Variants in SHPRH observed in about 807,000 individuals in gnomAD.
SHPRH encodes E3 ubiquitin-protein ligase SHPRH.
A neutral mutation model predicts 202.5 loss-of-function variants in SHPRH; 106 were observed. The ratio of observed to expected loss-of-function variants is 0.52; its 90% confidence interval spans 0.45 to 0.62. The LOEUF is 0.62. Ranked by LOEUF, SHPRH falls within the 20% of genes least tolerant of loss-of-function variation. The probability of loss-of-function intolerance (pLI) is 0.00; values close to 1 mark genes in which losing one functional copy is unlikely to be tolerated. For synonymous variants in SHPRH, 729 were observed against 686.0 expected (o/e 1.06, Z -0.98); for missense variants, 1,710 against 2,020.0 (o/e 0.85, Z 2.94).
chr6:145,872,260 C>A (rs1780089564), intron 2 of SHPRH, among the ~76,000 whole-genome samples: 1 of 152,080 alleles, frequency 6.6e-6, no homozygotes, highest in African/African-American at 2.4e-5. Flanking sequence ...AAACAGACAA[C>A]CTACAGAACG....
intron 25 of SHPRH, chr6:145,903,170 A>G (rs1782649296): frequency 6.6e-6 from 1 of 151,832 alleles, no homozygotes; most frequent in Admixed American, 6.6e-5. Context: ...TTAGATAAAT[A>G]TATTTAAATA....
At chr6:145,954,347 T>A (rs1204364377) in intron 2 of SHPRH, among the ~76,000 whole-genome samples, 1 of 152,062 alleles carries the variant, frequency 6.6e-6, no homozygotes, top group Non-Finnish European at 1.5e-5. Context: ...TGGGTAGAAT[T>A]TCATTTGCAT....
intron 8 of SHPRH, 125 bp downstream of exon 8, chr6:145,945,256 G>A (rs1787242528): frequency 1.7e-6 from 2 of 1,142,920 alleles, no homozygotes; most frequent in East Asian, 5.0e-5. Flanking sequence ...ACAGATATAA[G>A]TACTTTTCCT....
chr6:145,941,960 CCTCT>C (rs1786828825), intron 9 of SHPRH, 86 bp from the exon 10 acceptor site: 2 of 1,492,774 alleles, frequency 1.3e-6, no homozygotes. Flanking sequence ...CTTACTAAGT[CCTCT>C]CTATTTTCTT....
At chr6:145,940,136 G>A (rs1450791207) in intron 11 of SHPRH, among the ~76,000 whole-genome samples, 1 of 152,090 alleles carries the variant, frequency 6.6e-6, no homozygotes, top group African/African-American at 2.4e-5. Context: ...TTCAATGCAC[G>A]TGTGGAGAGG....
rs371061931 is a variant in SHPRH, at chr6:145,922,310, T to C, written c.3758A>G (p.Tyr1253Cys). 1.3e-6 allele frequency: 2 copies of C among 1,569,446 alleles called. No homozygotes were observed. The highest frequency in any genetic ancestry group is 1.4e-5 in the African/African-American group (1 of 70,866). The change falls in exon 20 of 30, where the codon TAT becomes TGT. Residue 1253 changes from tyrosine (Y) to cysteine (C), a missense_variant. Around this residue, in one of 8 missense-constraint regions of SHPRH, gnomAD observed 288 missense variants for 317.8 expected, o/e 0.91. Coordinates refer to ENST00000275233, the MANE Select transcript of SHPRH (RefSeq NM_001042683.3). ...CGTGTTGGAAAATAGCTTTGATTCA[T>C]ACTCTGTGAACAATTCATCAGCTTT... ...FCKADELFTE[Y>C]ESKLFSNTVK...
At chr6:145,955,384 T>C in intron 1 of SHPRH, 30 bp from the exon 2 acceptor site, 1 of 1,518,364 alleles carries the variant, frequency 6.6e-7, no homozygotes, top group Non-Finnish European at 8.8e-7. Flanking sequence ...ACAGGAGGTA[T>C]AACAAGAGAT....
intron 2 of SHPRH, among the ~76,000 whole-genome samples, chr6:145,875,399 G>A (rs543369158): frequency 6.6e-6 from 1 of 152,332 alleles, no homozygotes; most frequent in East Asian, 1.9e-4. Flanking sequence ...CTGAGGTTGA[G>A]AATTCTTGAC....
intron 15 of SHPRH, among the ~76,000 whole-genome samples, 193 bp from the exon 16 acceptor site, chr6:145,926,489 T>C (rs140140682): frequency 6.6e-6 from 1 of 152,118 alleles, no homozygotes; most frequent in African/African-American, 2.4e-5. Flanking sequence ...GTCTAGGACC[T>C]GCCTTTTGTA....
chr6:145,951,482 A>T (rs958375567), intron 3 of SHPRH, among the ~76,000 whole-genome samples: 10 of 152,076 alleles, frequency 6.6e-5, no homozygotes, highest in Non-Finnish European at 1.2e-4. Context: ...ATAATTATAT[A>T]ATCTAAGATT....
At chr6:145,912,417 A>G (rs1403160686) in intron 24 of SHPRH, among the ~76,000 whole-genome samples, 3 of 152,156 alleles carry the variant, frequency 2.0e-5, no homozygotes, top group Admixed American at 2.0e-4. Context: ...AAAGAACTTT[A>G]AAAACTGAAA....
rs201674374 is a variant in SHPRH at position 145,894,778 on chromosome 6, G to GA, written c.4608+106dup. 1,026 of 920,292 alleles carry GA rather than the reference G, an allele frequency of 1.1e-3. 3 individuals are homozygous for GA. In the African/African-American group the frequency reaches 0.013, roughly 12 times the overall value. 57.0% of individuals were successfully genotyped at this position (920,292 alleles called of 1,614,324 possible). ...AAATAATTCTATCTTATGGATTTGGGAAAAAAAATCTAAGAGTAAACATCA... is the reference window on the plus strand; with the variant it reads ...AAATAATTCTATCTTATGGATTTGGGAAAAAAAAATCTAAGAGTAAACATCA... On this transcript the variant is annotated intron_variant, in intron 26 of 29. Coordinates refer to ENST00000275233, the MANE Select transcript of SHPRH (RefSeq NM_001042683.3).
downstream of SHPRH, among the ~76,000 whole-genome samples, chr6:145,862,293 C>CA (rs1004641382): frequency 0.011 from 1,636 of 145,060 alleles, 25 homozygotes; most frequent in African/African-American, 0.037. Context: ...ACTAAAAATA[C>CA]AAAAAAAAAA....
chr6:145,873,713 AAGGGAGGGAGGG>A (rs1200242419), intron 2 of SHPRH, among the ~76,000 whole-genome samples: 63 of 87,918 alleles, frequency 7.2e-4, no homozygotes, highest in African/African-American at 2.9e-3. Flanking sequence ...GGAAGGAAGG[AAGGGAGGGAGGG>A]AGGGAGGGAG....
chr6:145,921,414 A>G, intron 20 of SHPRH, 22 bp from the exon 21 acceptor site: 3 of 1,602,992 alleles, frequency 1.9e-6, no homozygotes, highest in Non-Finnish European at 1.7e-6. Flanking sequence ...CCAGAACAAA[A>G]CAACAGTAAC....
chr6:145,904,172 A>G (rs1782745192), intron 25 of SHPRH: 1 of 152,118 alleles, frequency 6.6e-6, no homozygotes, highest in African/African-American at 2.4e-5. Context: ...AAGCTATATG[A>G]TTAAGCATTC....
chr6:145,922,389 C>G, intron 19 of SHPRH, 41 bp from the exon 20 acceptor site: 6 of 1,534,760 alleles, frequency 3.9e-6, no homozygotes, highest in Non-Finnish European at 5.2e-6. Context: ...ACAAACATAA[C>G]CAGCAATCTG....
chr6:145,886,527 A>G lies in SHPRH; in HGVS notation c.*164T>C, dbSNP rs961012628. 8.2e-6 allele frequency: 10 copies of G among 1,223,876 alleles called. No individual in the cohort carries two copies. Among genetic ancestry groups the G allele is most frequent in the Non-Finnish European group, 1.2e-5 (10 of 866,014 alleles). 75.8% of individuals were successfully genotyped at this position (1,223,876 alleles called of 1,614,324 possible). A position where few individuals can be genotyped will look rare whatever the true frequency, so the allele number is the denominator to read the frequency against. Reference sequence around the variant, plus strand: ...TTTTGGAAACAGTATATTGAAAAGGACTCAATAAGTACTAAGCCACTGTAT... The same window carrying G: ...TTTTGGAAACAGTATATTGAAAAGGGCTCAATAAGTACTAAGCCACTGTAT... On this transcript the variant is annotated 3_prime_UTR_variant, in exon 30 of 30. Coordinates refer to ENST00000275233, the MANE Select transcript of SHPRH (RefSeq NM_001042683.3).
At chr6:145,864,949 A>T (rs397833535) in intron 2 of SHPRH, among the ~76,000 whole-genome samples, 1 of 149,074 alleles carries the variant, frequency 6.7e-6, no homozygotes, top group Admixed American at 6.6e-5. Context: ...ACACTCACAC[A>T]CACACACACA....
Sources: gnomAD v4.1 joint callset for allele counts (sites outside exome capture counted in the v4.1 genomes callset) on GRCh38, gnomAD v4.1.1 for gene constraint, gnomAD v4.1.1 regional missense constraint, MANE v1.5 for transcripts, NCBI Gene and HGNC (gene_info 2026-07-23, HGNC 2026-07-21) for gene names.